The following PTPRQ variants were observed in gnomAD, a reference collection of about 807,000 sequenced individuals.
The protein encoded by PTPRQ is phosphatidylinositol phosphatase PTPRQ.
Under a neutral mutation model 246.0 loss-of-function variants are expected in PTPRQ, and 199 were observed. That is an observed-to-expected ratio of 0.81 (90% CI 0.72 to 0.91). PTPRQ has a LOEUF of 0.91. Among genes scored for constraint, PTPRQ ranks in the 40% least tolerant of loss-of-function variants. The pLI, the probability that PTPRQ is intolerant of heterozygous loss-of-function variation, is 0.00. For synonymous variants in PTPRQ, 869 were observed against 853.2 expected, an observed-to-expected ratio of 1.02 and a Z score of -0.32; for missense variants, 2,624 against 2,528.4, an observed-to-expected ratio of 1.04 and a Z score of -0.81.
At chr12:80,673,446 C>T (rs984761267) in intron 43 of PTPRQ, 142 bp downstream of exon 43, 7 of 1,298,866 alleles carry the variant, frequency 5.4e-6, no homozygotes, top group African/African-American at 4.6e-5. Context: ...GGGGAGGATT[C>T]GGGAGGGCAG....
At chr12:80,546,108 A>G (rs1896297934) in intron 23 of PTPRQ, among the ~76,000 whole-genome samples, 1 of 152,108 alleles carries the variant, frequency 6.6e-6, no homozygotes, top group Non-Finnish European at 1.5e-5. Flanking sequence ...ACCTCAGGTC[A>G]GGAGTTCAAG....
intron 8 of PTPRQ, among the ~76,000 whole-genome samples, chr12:80,480,928 C>T (rs1894024277): frequency 6.6e-6 from 1 of 152,096 alleles, no homozygotes; most frequent in African/African-American, 2.4e-5. Flanking sequence ...GATTCACAGC[C>T]GAATTCTACC....
chr12:80,571,658 T>C (rs190807200), intron 25 of PTPRQ, among the ~76,000 whole-genome samples: 20 of 152,336 alleles, frequency 1.3e-4, no homozygotes, highest in Admixed American at 1.1e-3. Flanking sequence ...AGTTTTAACT[T>C]ATACATTTAT....
Position 80,496,457 on chromosome 12 carries a change from C to G in PTPRQ, c.2198C>G (p.Ser733Cys). The change falls in exon 14 of 45, where the codon TCT (serine) becomes TGT (cysteine). Residue 733 changes from serine to cysteine, a missense_variant. Ser to Cys is a moderately radical substitution (Grantham distance 112, BLOSUM62 -1). Transcript: ENST00000644991. ...AGACCTCACACCCTCTATAACATTT[C>G]TGTAAGGTCTTACACCAGATTTGGT... ...NLRPHTLYNI[S>C]VRSYTRFGHG... is the part of the protein sequence containing the mutation. The G allele has an allele frequency of 6.4e-7, 1 of 1,550,738 alleles. No homozygotes were observed. Among genetic ancestry groups the G allele is most frequent in the Non-Finnish European group, 8.7e-7 (1 of 1,146,426 alleles).
chr12:80,516,209 C>G (rs1484953533), intron 17 of PTPRQ, among the ~76,000 whole-genome samples: 1 of 152,116 alleles, frequency 6.6e-6, no homozygotes, highest in Admixed American at 6.5e-5. Flanking sequence ...TTCTTGAATT[C>G]AACTTGTAAT....
chr12:80,503,946 T>A (rs115723267), intron 14 of PTPRQ, among the ~76,000 whole-genome samples: 45,200 of 151,016 alleles, frequency 0.3, 8,050 homozygotes, highest in African/African-American at 0.5. Context: ...TGTAGAAGAT[T>A]TTTTTTTTCT....
intron 39 of PTPRQ, among the ~76,000 whole-genome samples, chr12:80,664,232 CCTT>C (rs1010112978): frequency 1.1e-4 from 17 of 151,986 alleles, no homozygotes; most frequent in Admixed American, 1.3e-4. Flanking sequence ...GATTCTTTCT[CCTT>C]CTTCTTTCTT....
chr12:80,616,142 T>C lies in PTPRQ; in HGVS notation c.5164-58T>C, dbSNP rs73150758. ...ATAGATACATGCATATATATATATA[T>C]ACACACACATACATAAGCAATCACT... is the stretch of plus-strand genomic sequence containing the variant. On this transcript the variant is annotated intron_variant, in intron 29 of 44. Coordinates refer to ENST00000644991, the MANE Select transcript of PTPRQ (RefSeq NM_001145026.2). 290,948 of 1,223,444 alleles carry C rather than the reference T, an allele frequency of 0.24. 35,081 individuals are homozygous for C. Among genetic ancestry groups the C allele is most frequent in the Non-Finnish European group, 0.26 (244,449 of 930,442 alleles). The allele number at this position is 1,223,444 out of a possible 1,614,324, so 75.8% of individuals were successfully genotyped here. A position where few individuals can be genotyped will look rare whatever the true frequency, so the allele number is the denominator to read the frequency against.
chr12:80,589,593 T>G (rs549601859), intron 26 of PTPRQ, among the ~76,000 whole-genome samples: 1 of 152,352 alleles, frequency 6.6e-6, no homozygotes, highest in East Asian at 1.9e-4. Flanking sequence ...CTTTATTTTC[T>G]AGGCCACCAA....
Position 80,678,720 on chromosome 12 carries a change from T to C in PTPRQ, c.6857T>C (p.Met2286Thr), listed in dbSNP as rs2121305173. 6.5e-7 allele frequency: 1 copy of C among 1,548,710 alleles called. No homozygotes were observed. Among genetic ancestry groups the C allele is most frequent in the South Asian group, 1.2e-5 (1 of 83,526 alleles). Residue 2286 changes from methionine to threonine, a missense_variant, in exon 44 of 45, where the codon ATG (methionine) becomes ACG (threonine). Physicochemically the swap from Met to Thr is moderately conservative, Grantham distance 81. Coordinates refer to ENST00000644991, the MANE Select transcript of PTPRQ (RefSeq NM_001145026.2). ...CAGAAGATGGACTCTTTGGACGCCA[T>C]GGAAGGTAAACAGAAACAACAGTAT... is the stretch of plus-strand genomic sequence containing the variant. The part of the protein sequence containing the change: ...ALQKMDSLDA[M>T]EGDVELEWEE...
At chr12:80,608,827 T>G (rs996786153) in intron 27 of PTPRQ, among the ~76,000 whole-genome samples, 40 of 150,706 alleles carry the variant, frequency 2.7e-4, no homozygotes, top group African/African-American at 9.7e-4. Flanking sequence ...CCCAGGCCCC[T>G]TTACAGAGGT....
At chr12:80,491,312 T>C (rs903723349) in intron 9 of PTPRQ, among the ~76,000 whole-genome samples, 6 of 151,954 alleles carry the variant, frequency 3.9e-5, no homozygotes, top group Non-Finnish European at 7.4e-5. Context: ...GGGTGACTGA[T>C]TGATAGTGGA....
chr12:80,588,639 G>A (rs1897695117), intron 26 of PTPRQ, among the ~76,000 whole-genome samples, 187 bp downstream of exon 26: 1 of 152,164 alleles, frequency 6.6e-6, no homozygotes, highest in Non-Finnish European at 1.5e-5. Context: ...TTCAATGTTA[G>A]TCATTATTAG....
chr12:80,534,317 A>C (rs893245397), intron 18 of PTPRQ, 142 bp downstream of exon 18: 8 of 928,558 alleles, frequency 8.6e-6, no homozygotes, highest in Non-Finnish European at 1.2e-5. Context: ...CATTTTGATC[A>C]CTTTTTAGCT....
chr12:80,629,253 C>T (rs191648903), intron 33 of PTPRQ, among the ~76,000 whole-genome samples: 2 of 152,136 alleles, frequency 1.3e-5, no homozygotes, highest in Non-Finnish European at 1.5e-5. Flanking sequence ...CCCATCAGAT[C>T]GGGGCCTCAC....
intron 17 of PTPRQ, among the ~76,000 whole-genome samples, chr12:80,511,062 A>G (rs576339386): frequency 6.6e-6 from 1 of 152,284 alleles, no homozygotes; most frequent in African/African-American, 2.4e-5. Flanking sequence ...AGATTCACCA[A>G]TTAGGTAACA....
chr12:80,478,713 G>A (rs1656813969), intron 8 of PTPRQ, among the ~76,000 whole-genome samples: 1 of 152,182 alleles, frequency 6.6e-6, no homozygotes, highest in African/African-American at 2.4e-5. Flanking sequence ...CAAGGCTCGA[G>A]AACTACGTGA....
chr12:80,582,061 A>G (rs1897458526), intron 25 of PTPRQ, among the ~76,000 whole-genome samples: 2 of 152,192 alleles, frequency 1.3e-5, no homozygotes, highest in Non-Finnish European at 2.9e-5. Flanking sequence ...TTACTCACAC[A>G]TATGTGTGGA....
At chr12:80,536,559 T>C (rs1216975534) in intron 19 of PTPRQ, among the ~76,000 whole-genome samples, 2 of 152,090 alleles carry the variant, frequency 1.3e-5, no homozygotes, top group Non-Finnish European at 2.9e-5. Context: ...GACATGTAGA[T>C]ATAATTATAG....
Sources: gnomAD v4.1 joint callset for allele counts (sites outside exome capture counted in the v4.1 genomes callset) on GRCh38, gnomAD v4.1.1 for gene constraint, MANE v1.5 for transcripts, NCBI Gene and HGNC (gene_info 2026-07-23, HGNC 2026-07-21) for gene names.